MMS22L: variants seen among roughly 807,000 people sequenced by gnomAD.
MMS22L encodes the protein MMS22 like, DNA repair protein, also known as protein MMS22-like.
Under a neutral mutation model 159.1 loss-of-function variants are expected in MMS22L, and 74 were observed. The ratio of observed to expected loss-of-function variants is 0.47; its 90% CI spans 0.39 to 0.56. The LOEUF is 0.56. Among genes scored for constraint, MMS22L ranks in the 20% least tolerant of loss-of-function variants. The pLI is 0.00. For synonymous variants in MMS22L, 517 were observed against 506.9 expected (o/e 1.02, Z -0.27); for missense variants, 1,351 against 1,422.1 (o/e 0.95, Z 0.80).
Position 97,146,739 on chromosome 6 carries a change from G to T in MMS22L, c.*67C>A. 1 of 1,023,390 alleles carries T rather than the reference G, an allele frequency of 9.8e-7. No homozygotes were observed. The highest frequency in any genetic ancestry group is 1.5e-6 in the Non-Finnish European group (1 of 687,008). The allele number at this position is 1,023,390 out of a possible 1,614,324, so 63.4% of individuals were successfully genotyped here. A position where few individuals can be genotyped will look rare whatever the true frequency, so the allele number is the denominator to read the frequency against. ...ACATTATACAATTAATTAAAAGTAGGAATTAGAGTGGAACAATGTGGCTTT... is the reference window on the plus strand; with the variant it reads ...ACATTATACAATTAATTAAAAGTAGTAATTAGAGTGGAACAATGTGGCTTT... On this transcript the variant is annotated 3_prime_UTR_variant, in exon 25 of 25. Coordinates refer to ENST00000683635, the MANE Select transcript of MMS22L (RefSeq NM_001350599.2).
Position 97,263,391 on chromosome 6 carries a change from A to G in MMS22L, c.886T>C (p.Leu296=). ...AGAAGATGAATAAGTAGAACCCATA[A>G]TTCTTTAATGCATAAACATGGACAC... The part of the protein sequence containing the change: ...DQCPCLCIKE[L]WVLLIHLLDH... Residue 296 remains leucine (L), a synonymous_variant, in exon 9 of 25, where the codon TTA becomes CTA. Coordinates refer to ENST00000683635, the MANE Select transcript of MMS22L (RefSeq NM_001350599.2). The G allele has an allele frequency of 6.3e-7, 1 of 1,594,210 alleles. No homozygotes were observed. Among genetic ancestry groups the G allele is most frequent in the Non-Finnish European group, 8.5e-7 (1 of 1,173,976 alleles).
rs143407895 is a variant in MMS22L at position 97,186,510 on chromosome 6, C to T, written c.2220G>A (p.Ala740=). 5.5e-4 allele frequency: 880 copies of T among 1,611,888 alleles called. 1 individual carries two copies. The highest frequency in any genetic ancestry group is 7.1e-4 in the Non-Finnish European group (835 of 1,179,164). The change falls in exon 15 of 25, where the codon GCG becomes GCA. Residue 740 remains alanine, a synonymous_variant. Coordinates refer to ENST00000683635, the MANE Select transcript of MMS22L (RefSeq NM_001350599.2). ...ATTAATGCTGACCTGCAGCTGCATCCGCAAGTTGTGAGAAAGGCACTACCT... is the reference window on the plus strand; with the variant it reads ...ATTAATGCTGACCTGCAGCTGCATCTGCAAGTTGTGAGAAAGGCACTACCT... ...MSQVVPFSQL[A]DAAADFTLLA...
chr6:97,161,443 T>C (rs1802424401), intron 22 of MMS22L, among the ~76,000 whole-genome samples: 1 of 152,082 alleles, frequency 6.6e-6, no homozygotes, highest in African/African-American at 2.4e-5. Context: ...TTGAGATTTA[T>C]TCTGACCTAA....
At chr6:97,248,368 T>C (rs1433905458) in intron 10 of MMS22L, among the ~76,000 whole-genome samples, 1 of 149,096 alleles carries the variant, frequency 6.7e-6, no homozygotes, top group Non-Finnish European at 1.5e-5. Context: ...TTCTCCTGAA[T>C]GCCTGATTCT....
At chr6:97,174,621 A>T (rs568410017) in intron 18 of MMS22L, among the ~76,000 whole-genome samples, 1 of 152,316 alleles carries the variant, frequency 6.6e-6, no homozygotes, top group African/African-American at 2.4e-5. Flanking sequence ...GGGGAAGATT[A>T]CAGTGTGGTC....
intron 4 of MMS22L, among the ~76,000 whole-genome samples, chr6:97,274,938 A>C (rs1326920498): frequency 1.3e-5 from 2 of 152,200 alleles, no homozygotes. Context: ...AGAATTCTCA[A>C]AGCCTTACTA....
At chr6:97,249,907 C>G (rs1205927572) in intron 10 of MMS22L, among the ~76,000 whole-genome samples, 2 of 152,072 alleles carry the variant, frequency 1.3e-5, no homozygotes, top group South Asian at 4.1e-4. Context: ...TTCAATCATT[C>G]TGTGTTATCA....
chr6:97,223,116 C>T (rs1227704375), intron 14 of MMS22L, among the ~76,000 whole-genome samples: 1 of 152,056 alleles, frequency 6.6e-6, no homozygotes, highest in Non-Finnish European at 1.5e-5. Context: ...CTCCAGTTAG[C>T]AGAAAGAAGC....
chr6:97,170,776 G>A (rs375179756), intron 19 of MMS22L, among the ~76,000 whole-genome samples: 1 of 152,284 alleles, frequency 6.6e-6, no homozygotes, highest in East Asian at 1.9e-4. Flanking sequence ...GGAGGCTGAG[G>A]CAGGCAGGCT....
rs1404891542 is a variant in MMS22L, at chr6:97,143,821, C to CT, written c.*2984dup. ...TTAGAGATGAATTAGCACTAGGTGG[C>CT]TCATCACGCCTGTAATCCCAGCACT... On this transcript the variant is annotated 3_prime_UTR_variant, in exon 25 of 25. Coordinates refer to ENST00000683635, the MANE Select transcript of MMS22L (RefSeq NM_001350599.2). 1.3e-5 allele frequency: 2 copies of CT among 152,110 alleles called. No individual in the cohort carries two copies. Among genetic ancestry groups the CT allele is most frequent in the African/African-American group, 4.8e-5 (2 of 41,388 alleles). The allele number at this position is 152,110 out of a possible 1,614,324, so 9.4% of individuals were successfully genotyped here. A position where few individuals can be genotyped will look rare whatever the true frequency, so the allele number is the denominator to read the frequency against.
chr6:97,167,203 C>T (rs547531078), intron 20 of MMS22L, among the ~76,000 whole-genome samples: 22 of 152,208 alleles, frequency 1.4e-4, no homozygotes, highest in South Asian at 6.2e-4. Context: ...CCAATCCTTA[C>T]CTTCATCCCG....
intron 6 of MMS22L, chr6:97,270,811 C>T (rs996419677): frequency 2.0e-5 from 3 of 151,912 alleles, no homozygotes. Context: ...ATGGGTCATT[C>T]AATAAAAAAT....
intron 10 of MMS22L, among the ~76,000 whole-genome samples, chr6:97,253,207 AC>A (rs1472554066): frequency 6.6e-6 from 1 of 152,086 alleles, no homozygotes; most frequent in Non-Finnish European, 1.5e-5. Flanking sequence ...TATTTAGAGG[AC>A]TTTTTGAGAC....
At chr6:97,194,855 T>C (rs1806311950) in intron 14 of MMS22L, among the ~76,000 whole-genome samples, 1 of 152,048 alleles carries the variant, frequency 6.6e-6, no homozygotes, top group African/African-American at 2.4e-5. Context: ...CAAAGGTATA[T>C]AAAATCAAAT....
At chr6:97,279,847 A>C (rs1816598613) in intron 3 of MMS22L, among the ~76,000 whole-genome samples, 1 of 152,150 alleles carries the variant, frequency 6.6e-6, no homozygotes, top group Admixed American at 6.6e-5. Flanking sequence ...TTACATAATA[A>C]AATTTTAAAC....
intron 11 of MMS22L, among the ~76,000 whole-genome samples, chr6:97,237,720 C>G (rs1223345921): frequency 6.6e-6 from 1 of 151,926 alleles, no homozygotes; most frequent in Non-Finnish European, 1.5e-5. Flanking sequence ...AGACATTTAG[C>G]TTCTCTAATA....
intron 20 of MMS22L, among the ~76,000 whole-genome samples, chr6:97,166,750 A>G (rs1250344600): frequency 6.6e-6 from 1 of 152,104 alleles, no homozygotes; most frequent in Non-Finnish European, 1.5e-5. Flanking sequence ...TATTAAATGG[A>G]CTGTTTGGGT....
chr6:97,247,875 T>C (rs1812835953), intron 10 of MMS22L, among the ~76,000 whole-genome samples: 1 of 152,204 alleles, frequency 6.6e-6, no homozygotes, highest in Non-Finnish European at 1.5e-5. Context: ...TGTTAAAGCA[T>C]AATGAATTCT....
In MMS22L at chr6:97,267,878, GT is replaced by G; in HGVS notation, c.821del (p.Tyr274SerfsTer10). The G allele has an allele frequency of 1.2e-6, 2 of 1,602,196 alleles. No homozygotes were observed. Among genetic ancestry groups the G allele is most frequent in the Non-Finnish European group, 1.7e-6 (2 of 1,176,116 alleles). On this transcript the variant is annotated frameshift_variant, in exon 8 of 25. Coordinates refer to ENST00000683635, the MANE Select transcript of MMS22L (RefSeq NM_001350599.2). LOFTEE classifies it high-confidence loss of function. ...CDLISLSLNR[Y>X]DKVRSSESLM... is the part of the protein sequence containing the mutation. Reference sequence around the variant, plus strand: ...CAAACTCTTAAAGCATTACCTTGTCGTACCTGTTGAGTGACAGGCTTATTAA... The same window carrying G: ...CAAACTCTTAAAGCATTACCTTGTCGACCTGTTGAGTGACAGGCTTATTAA...
Sources: allele counts gnomAD v4.1 joint callset (sites outside exome capture counted in the v4.1 genomes callset), GRCh38; gene constraint gnomAD v4.1.1; transcripts MANE v1.5; gene names NCBI Gene and HGNC (gene_info 2026-07-23, HGNC 2026-07-21).